Variants in KPNA3 observed in about 807,000 individuals in gnomAD.
The protein encoded by KPNA3 is importin subunit alpha-4.
A neutral mutation model predicts 73.8 loss-of-function variants in KPNA3; 13 were observed. The observed-to-expected ratio is 0.18, with a 90% CI of 0.11 to 0.28. KPNA3 has a LOEUF of 0.28. Ranked by LOEUF, KPNA3 falls within the 10% of genes least tolerant of loss-of-function variation. KPNA3 has a pLI of 1.00. For synonymous variants in KPNA3, 186 were observed against 206.9 expected, an observed-to-expected ratio of 0.90 and a Z score of 0.87; for missense variants, 360 against 618.1, an observed-to-expected ratio of 0.58 and a Z score of 4.43.
In KPNA3 at chr13:49,699,885, TA is replaced by T. The variant is rs1321773891; in HGVS notation, c.*1914del. 2.6e-5 allele frequency: 4 copies of T among 152,656 alleles called. No individual in the cohort carries two copies. The highest frequency in any genetic ancestry group is 1.9e-4 in the East Asian group (1 of 5,188). The allele number at this position is 152,656 out of a possible 1,614,324, so 9.5% of individuals were successfully genotyped here. On this transcript the variant is annotated 3_prime_UTR_variant, in exon 17 of 17. Transcript: ENST00000261667. Reference sequence around the variant, plus strand: ...ACCACACAGTTTCAAAAATTTAGACTATAGTGTCCGAACAGGATGCAGTTAC... The same window carrying T: ...ACCACACAGTTTCAAAAATTTAGACTTAGTGTCCGAACAGGATGCAGTTAC...
intron 11 of KPNA3, among the ~76,000 whole-genome samples, chr13:49,710,565 T>G (rs12875005): frequency 0.21 from 32,629 of 152,194 alleles, 4,458 homozygotes; most frequent in Non-Finnish European, 0.32. Flanking sequence ...GCTTAGGCCA[T>G]GCTGTTCACT....
rs1296135079 is a variant in KPNA3, at chr13:49,711,026, C to T, written c.772-4G>A. On this transcript the variant is annotated splice_polypyrimidine_tract_variant and splice_region_variant and intron_variant, in intron 10 of 16. Transcript: ENST00000261667. ...CCCAAACAGTGTCTACAAGAATCTA[C>T]AGGAAACACAAAAGAAAAACCATTT... 2.5e-6 allele frequency: 4 copies of T among 1,598,718 alleles called. No homozygotes were observed. The highest frequency in any genetic ancestry group is 2.3e-5 in the South Asian group (2 of 87,494).
At chr13:49,744,959 T>C (rs1299419432) in intron 2 of KPNA3, among the ~76,000 whole-genome samples, 3 of 152,200 alleles carry the variant, frequency 2.0e-5, no homozygotes, top group Non-Finnish European at 2.9e-5. Context: ...CAAGTCACCT[T>C]TGAATGCCCA....
At chr13:49,734,694 G>A (rs1347197898) in intron 2 of KPNA3, among the ~76,000 whole-genome samples, 1 of 152,062 alleles carries the variant, frequency 6.6e-6, no homozygotes, top group Non-Finnish European at 1.5e-5. Flanking sequence ...TTACCTCAGC[G>A]CAGAGTTTGG....
At chr13:49,720,459 AT>A (rs1375589233) in intron 9 of KPNA3, among the ~76,000 whole-genome samples, 1 of 152,222 alleles carries the variant, frequency 6.6e-6, no homozygotes, top group Non-Finnish European at 1.5e-5. Flanking sequence ...GATGTCCATT[AT>A]AAAGATACAC....
chr13:49,733,717 T>C (rs868623677), intron 2 of KPNA3, among the ~76,000 whole-genome samples: 1 of 152,230 alleles, frequency 6.6e-6, no homozygotes, highest in East Asian at 1.9e-4. Context: ...AATGGGACAT[T>C]AAGCAAACAG....
intron 1 of KPNA3, among the ~76,000 whole-genome samples, chr13:49,753,824 C>G (rs1324827978): frequency 1.3e-5 from 2 of 152,166 alleles, no homozygotes; most frequent in Non-Finnish European, 2.9e-5. Context: ...ACAGTTTCAA[C>G]CCGAAACCAT....
chr13:49,774,290 AT>A (rs773663640), intron 1 of KPNA3, among the ~76,000 whole-genome samples: 7 of 152,286 alleles, frequency 4.6e-5, no homozygotes, highest in African/African-American at 1.4e-4. Flanking sequence ...AGAGAAAAAG[AT>A]TAATTAAAGC....
At chr13:49,743,040 C>G (rs762036283) in intron 2 of KPNA3, among the ~76,000 whole-genome samples, 3 of 152,012 alleles carry the variant, frequency 2.0e-5, no homozygotes, top group Non-Finnish European at 4.4e-5. Context: ...ATTTGGGAGG[C>G]TGGGGTGGAG....
intron 10 of KPNA3, among the ~76,000 whole-genome samples, chr13:49,716,892 C>G (rs1362848958): frequency 6.6e-6 from 1 of 152,126 alleles, no homozygotes; most frequent in South Asian, 2.1e-4. Flanking sequence ...TTTCATCAAT[C>G]CCTTAAATAC....
chr13:49,713,815 T>C (rs1228839782), intron 10 of KPNA3, among the ~76,000 whole-genome samples: 3 of 152,202 alleles, frequency 2.0e-5, no homozygotes, highest in Non-Finnish European at 4.4e-5. Flanking sequence ...GTGATTCTCC[T>C]GCCTCAGTGC....
chr13:49,759,343 A>G (rs2137580806), intron 1 of KPNA3, among the ~76,000 whole-genome samples: 1 of 152,362 alleles, frequency 6.6e-6, no homozygotes, highest in Middle Eastern at 3.4e-3. Flanking sequence ...AGTCTAGCTC[A>G]GCTGTTCCCA....
Position 49,774,175 on chromosome 13 carries a change from G to T in KPNA3, c.69+18263C>A, listed in dbSNP as rs1434794587. ...CTGCCTCAGCCTCCCAAAGTGCTAG[G>T]ATTACAGGTGTGACCCACCACACCA... On this transcript the variant is annotated intron_variant, in intron 1 of 16. Coordinates refer to ENST00000261667, the MANE Select transcript of KPNA3 (RefSeq NM_002267.4). Among the ~76,000 whole-genome samples the T allele has an allele frequency of 2.0e-5, 3 of 152,140 alleles. No homozygotes were observed. In the South Asian group the frequency reaches 6.2e-4, roughly 32 times the overall value.
intron 1 of KPNA3, among the ~76,000 whole-genome samples, chr13:49,761,749 G>T (rs1954763675): frequency 6.6e-6 from 1 of 152,106 alleles, no homozygotes; most frequent in Non-Finnish European, 1.5e-5. Context: ...AGTCTGGGAA[G>T]TGAGGAGCGC....
chr13:49,725,376 T>C (rs559442080), intron 7 of KPNA3, 40 bp downstream of exon 7: 4 of 1,235,856 alleles, frequency 3.2e-6, no homozygotes, highest in South Asian at 1.4e-5. Context: ...CTTGCCATCA[T>C]TAAAACACAA....
chr13:49,704,743 T>C (rs1954190539), intron 15 of KPNA3, among the ~76,000 whole-genome samples: 1 of 152,166 alleles, frequency 6.6e-6, no homozygotes, highest in Non-Finnish European at 1.5e-5. Context: ...ATCACAATTA[T>C]TTCTCATTAA....
At chr13:49,733,521 T>C (rs138157143) in intron 2 of KPNA3, among the ~76,000 whole-genome samples, 4,164 of 152,284 alleles carry the variant, frequency 0.027, 194 homozygotes, top group African/African-American at 0.094. Flanking sequence ...ACTCCTGGCC[T>C]CAAGTGATCC....
intron 1 of KPNA3, among the ~76,000 whole-genome samples, chr13:49,784,249 A>T (rs554129731): frequency 2.0e-4 from 30 of 152,160 alleles, no homozygotes; most frequent in South Asian, 8.3e-4. Context: ...ATTTTTTTTT[A>T]AAAAAACTTC....
rs530639657 is a variant in KPNA3, at chr13:49,788,145, T to C, written c.69+4293A>G. Among the ~76,000 whole-genome samples, 45 of 152,310 alleles carry C rather than the reference T, an allele frequency of 3.0e-4. 1 individual carries two copies. Among genetic ancestry groups the C allele is most frequent in the African/African-American group, 9.4e-4 (39 of 41,564 alleles). ...ATATAGGACTGTTGTGAAGATTAAA[T>C]AGATAATCTATATAAAGTACTTAGC... is the stretch of plus-strand genomic sequence containing the variant. On this transcript the variant is annotated intron_variant, in intron 1 of 16. Transcript: ENST00000261667.
Sources: gnomAD v4.1 joint callset for allele counts (sites outside exome capture counted in the v4.1 genomes callset) on GRCh38, gnomAD v4.1.1 for gene constraint, MANE v1.5 for transcripts, NCBI Gene and HGNC (gene_info 2026-07-23, HGNC 2026-07-21) for gene names.